The following CPNE2 variants were observed in gnomAD, a reference collection of about 807,000 sequenced individuals.
CPNE2 encodes the protein copine-2.
In CPNE2, 42 loss-of-function variants were observed where a neutral mutation model predicts 69.7. That is an observed-to-expected ratio of 0.60 (90% CI 0.47 to 0.78). The LOEUF is 0.78. Among genes scored for constraint, CPNE2 ranks in the 30% least tolerant of loss-of-function variants. The probability of loss-of-function intolerance (pLI) is 0.00; values close to 1 mark genes in which losing one functional copy is unlikely to be tolerated. For synonymous variants in CPNE2, 294 were observed against 289.8 expected (o/e 1.01, Z -0.15); for missense variants, 587 against 732.0 (o/e 0.80, Z 2.29).
rs1292752384 is a variant in CPNE2 at position 57,146,241 on chromosome 16, A to G, written c.1459A>G (p.Ser487Gly). The G allele has an allele frequency of 6.4e-7, 1 of 1,560,506 alleles. No individual in the cohort carries two copies. The highest frequency in any genetic ancestry group is 8.7e-7 in the Non-Finnish European group (1 of 1,151,538). Residue 487 changes from serine (S) to glycine (G), a missense_variant, in exon 15 of 16, where the codon AGC (serine) becomes GGC (glycine). By Grantham distance (56) the Ser-to-Gly change is moderately conservative (BLOSUM62 0). Around this residue, in one of 5 missense-constraint regions of CPNE2, gnomAD observed 185 missense variants for 252.3 expected, o/e 0.73. Coordinates refer to ENST00000290776, the MANE Select transcript of CPNE2 (RefSeq NM_152727.6). The surrounding 1 kb of genome is among the most constrained non-coding windows in gnomAD (Gnocchi z 4.4). ...TGCCATGGAGTTCCTGGATGGGGAC[A>G]GCCGCATGCTGCGCTCCCACACGGG... ...FAAMEFLDGD[S>G]RMLRSHTGEE...
chr16:57,110,254 A>C (rs1187447000), intron 1 of CPNE2, among the ~76,000 whole-genome samples: 1 of 127,176 alleles, frequency 7.9e-6, no homozygotes, highest in Non-Finnish European at 1.6e-5. Context: ...AGATGGTATC[A>C]TTCTGTCGCC....
chr16:57,121,541 A>G (rs1422785282), intron 8 of CPNE2, 133 bp from the exon 9 acceptor site: 2 of 843,614 alleles, frequency 2.4e-6, no homozygotes, highest in Non-Finnish European at 3.9e-6. Context: ...GGGTGTGGAC[A>G]TCCTGGGAGG....
intron 1 of CPNE2, among the ~76,000 whole-genome samples, chr16:57,093,294 G>A (rs534392277): frequency 6.6e-6 from 1 of 152,136 alleles, no homozygotes; most frequent in South Asian, 2.1e-4. Context: ...GGAGCGCAGA[G>A]GGGGAGTGGA....
At chr16:57,099,422 A>T (rs895035195) in intron 1 of CPNE2, among the ~76,000 whole-genome samples, 1 of 152,102 alleles carries the variant, frequency 6.6e-6, no homozygotes, top group African/African-American at 2.4e-5. Context: ...TCCTGTGTGT[A>T]TCTTTGGGTG....
At chr16:57,110,958 G>GGT in intron 2 of CPNE2, 36 bp downstream of exon 2, 1 of 1,584,408 alleles carries the variant, frequency 6.3e-7, no homozygotes, top group Non-Finnish European at 8.6e-7. Flanking sequence ...TGGGTAAGGG[G>GGT]GTGGCTAGGC....
At chr16:57,112,003 A>C (rs1362116960) in intron 2 of CPNE2, among the ~76,000 whole-genome samples, 1 of 152,268 alleles carries the variant, frequency 6.6e-6, no homozygotes, top group Non-Finnish European at 1.5e-5. Flanking sequence ...TTTGGTATCC[A>C]GCCTTCCAGA....
intron 1 of CPNE2, among the ~76,000 whole-genome samples, chr16:57,109,212 T>C (rs1005590760): frequency 8.5e-5 from 13 of 152,186 alleles, no homozygotes; most frequent in Admixed American, 5.9e-4. Context: ...CGGTGGCTCA[T>C]GCCTGTAATC....
At chr16:57,144,408 C>T (rs1387907628) in intron 14 of CPNE2, 1 of 152,318 alleles carries the variant, frequency 6.6e-6, no homozygotes, top group Non-Finnish European at 1.5e-5. Context: ...TCTGCAACCT[C>T]CCCAGGGAAC....
chr16:57,146,126 T>A lies in CPNE2; in HGVS notation c.1344T>A (p.Ser448Arg). ...ILLIITDGVI[S>R]DMEETRHAVV... ...TCATCATCACGGACGGGGTCATCAG[T>A]GACATGGAGGAGACACGGCATGCCG... Residue 448 changes from serine to arginine, a missense_variant, in exon 15 of 16, where the codon AGT becomes AGA. Transcript: ENST00000290776. This position sits in a 1 kb window ranked among gnomAD's most constrained non-coding sequence, Gnocchi z 4.4. 1 of 1,600,734 alleles carries A rather than the reference T, an allele frequency of 6.2e-7. No homozygotes were observed. The highest frequency in any genetic ancestry group is 1.1e-5 in the South Asian group (1 of 88,734).
rs1018007340 is a variant in CPNE2, at chr16:57,134,312, C to A, written c.1117-463C>A. ...AGCTCACCCCCGTTTGGCTGTCTGG[C>A]GCAAGGCAGGCTCCCCTCTAAGCCC... On this transcript the variant is annotated intron_variant, in intron 12 of 15. Coordinates refer to ENST00000290776, the MANE Select transcript of CPNE2 (RefSeq NM_152727.6). 5.9e-5 allele frequency among the ~76,000 whole-genome samples: 9 copies of A among 152,140 alleles called. No homozygotes were observed. The East Asian group carries it at 1.7e-3, about 29-fold the overall frequency.
chr16:57,094,206 T>A (rs1187825815), intron 1 of CPNE2: 5 of 400,762 alleles, frequency 1.2e-5, no homozygotes, highest in African/African-American at 1.0e-4. Flanking sequence ...TTTGCGGCCG[T>A]CACTTCCTGT....
chr16:57,135,237 G>T (rs776611533), intron 13 of CPNE2, among the ~76,000 whole-genome samples: 1 of 151,996 alleles, frequency 6.6e-6, no homozygotes, highest in East Asian at 1.9e-4. Context: ...CCGCCCCCTT[G>T]CTGGGAAGGC....
intron 1 of CPNE2, among the ~76,000 whole-genome samples, chr16:57,101,157 C>A (rs1019558071): frequency 5.3e-5 from 8 of 152,210 alleles, no homozygotes; most frequent in African/African-American, 1.9e-4. Flanking sequence ...AGAAACCCTG[C>A]CTGGGTTTCC....
chr16:57,128,025 A>T (rs2069812686), intron 12 of CPNE2, 122 bp downstream of exon 12: 1 of 914,466 alleles, frequency 1.1e-6, no homozygotes, highest in East Asian at 2.6e-5. Context: ...CCCTGTGTTC[A>T]CCCCAGGCCA....
chr16:57,133,000 G>A lies in CPNE2; in HGVS notation c.1117-1775G>A, dbSNP rs554184336. Among the ~76,000 whole-genome samples, 83 of 152,226 alleles carry A rather than the reference G, an allele frequency of 5.5e-4. 2 individuals carry two copies. The South Asian group carries it at 0.017, about 30-fold the overall frequency. Reference sequence around the variant, plus strand: ...ATATTCCTCCACCCCTATCAGCAGGGGGCTTTCCCACTGTGGTCTCTAAAA... The same window carrying A: ...ATATTCCTCCACCCCTATCAGCAGGAGGCTTTCCCACTGTGGTCTCTAAAA... On this transcript the variant is annotated intron_variant, in intron 12 of 15. Coordinates refer to ENST00000290776, the MANE Select transcript of CPNE2 (RefSeq NM_152727.6).
chr16:57,110,958 G>A (rs765361269), intron 2 of CPNE2, 36 bp downstream of exon 2: 1 of 1,584,408 alleles, frequency 6.3e-7, no homozygotes, highest in Non-Finnish European at 8.6e-7. Flanking sequence ...TGGGTAAGGG[G>A]GTGGCTAGGC....
chr16:57,136,280 T>C (rs1312657072), intron 13 of CPNE2, among the ~76,000 whole-genome samples: 1 of 150,078 alleles, frequency 6.7e-6, no homozygotes, highest in Non-Finnish European at 1.5e-5. Flanking sequence ...GACATTTTGG[T>C]CAATCAGCTT....
At chr16:57,114,934 C>CCAA (rs1555546226) in intron 3 of CPNE2, among the ~76,000 whole-genome samples, 6,602 of 39,026 alleles carry the variant, frequency 0.17, 420 homozygotes, top group African/African-American at 0.2. Context: ...TTGTCTCTAC[C>CCAA]AAAAAAAAAA....
chr16:57,119,455 G>A (rs1310577828), intron 6 of CPNE2, 106 bp from the exon 7 acceptor site: 3 of 1,140,422 alleles, frequency 2.6e-6, no homozygotes, highest in Non-Finnish European at 3.9e-6. Flanking sequence ...CTCTGGAAGT[G>A]TGGCTGTGGG....
Sources: allele counts gnomAD v4.1 joint callset (sites outside exome capture counted in the v4.1 genomes callset), GRCh38; gene constraint gnomAD v4.1.1; regional missense constraint gnomAD v4.1.1; non-coding constraint Gnocchi (gnomAD v3.1); transcripts MANE v1.5; gene names NCBI Gene and HGNC (gene_info 2026-07-23, HGNC 2026-07-21).